The following HDAC1 variants were observed in gnomAD, a reference collection of about 807,000 sequenced individuals.
The protein encoded by HDAC1 is protein deacetylase HDAC1.
A neutral mutation model predicts 65.5 loss-of-function variants in HDAC1; 18 were observed. The ratio of observed to expected loss-of-function variants is 0.27; its 90% CI spans 0.19 to 0.41. HDAC1 has a LOEUF of 0.41. HDAC1 is among the 10% of genes least tolerant of loss of function. HDAC1 has a pLI of 1.00. For synonymous variants in HDAC1, 211 were observed against 227.9 expected (o/e 0.93, Z 0.67); for missense variants, 373 against 625.2 (o/e 0.60, Z 4.30).
At chr1:32,296,411 C>T (rs1640767194) in intron 1 of HDAC1, among the ~76,000 whole-genome samples, 1 of 152,156 alleles carries the variant, frequency 6.6e-6, no homozygotes, top group Admixed American at 6.6e-5. Context: ...GTCACTCAGG[C>T]TGGAGTGCAG....
intron 3 of HDAC1, among the ~76,000 whole-genome samples, 156 bp downstream of exon 3, chr1:32,316,938 G>A (rs1214368056): frequency 6.6e-6 from 1 of 152,032 alleles, no homozygotes; most frequent in East Asian, 1.9e-4. Flanking sequence ...CCCTCAAGTC[G>A]GATTTTTCAT....
At chr1:32,297,915 G>A (rs1307440069) in intron 1 of HDAC1, among the ~76,000 whole-genome samples, 2 of 134,276 alleles carry the variant, frequency 1.5e-5, no homozygotes, top group South Asian at 2.5e-4. Context: ...TCAGCCTCCC[G>A]AGTAACTGGT....
At chr1:32,321,433 T>A (rs1386795376) in intron 3 of HDAC1, among the ~76,000 whole-genome samples, 2 of 150,806 alleles carry the variant, frequency 1.3e-5, no homozygotes, top group Non-Finnish European at 3.0e-5. Flanking sequence ...GGTTAGTGTT[T>A]AATCTTCCCA....
In HDAC1 at chr1:32,292,131, G is replaced by C; in HGVS notation, c.-39G>C. The C allele has an allele frequency of 6.5e-7, 1 of 1,544,838 alleles. No homozygotes were observed. The highest frequency in any genetic ancestry group is 1.2e-5 in the South Asian group (1 of 83,892). ...TGAGCGGAGCCGCGGGCGGGAGGGCGGACGGACCGACTGACGGTAGGGACG... is the reference window on the plus strand; with the variant it reads ...TGAGCGGAGCCGCGGGCGGGAGGGCCGACGGACCGACTGACGGTAGGGACG... On this transcript the variant is annotated 5_prime_UTR_variant, in exon 1 of 14. Transcript: ENST00000373548.
rs576997727 is a variant in HDAC1 at position 32,316,817 on chromosome 1, G to A, written c.280+35G>A. 3.4e-5 allele frequency: 45 copies of A among 1,309,066 alleles called. No homozygotes were observed. The East Asian group carries it at 9.2e-4, about 27-fold the overall frequency. The allele number at this position is 1,309,066 out of a possible 1,614,324, so 81.1% of individuals were successfully genotyped here. A position where few individuals can be genotyped will look rare whatever the true frequency, so the allele number is the denominator to read the frequency against. On this transcript the variant is annotated intron_variant, in intron 3 of 13. Transcript: ENST00000373548. ...TTCTGTTCCCTCACACTCTGAAGCC[G>A]CCAGTTGCATCTCCCTTTCCACTGT...
chr1:32,325,829 C>G (rs1018188226), intron 4 of HDAC1, among the ~76,000 whole-genome samples: 2 of 152,118 alleles, frequency 1.3e-5, no homozygotes, highest in African/African-American at 4.8e-5. Context: ...AGTTTGAGAC[C>G]AGCCTGACCA....
Position 32,309,089 on chromosome 1 carries a change from G to C in HDAC1, c.162+6356G>C, listed in dbSNP as rs147208928. Reference sequence around the variant, plus strand: ...AGCCTCCCAAAGCGTTAGGATTATAGGCATGAGCCACCACGCCCAGCCAAG... The same window carrying C: ...AGCCTCCCAAAGCGTTAGGATTATACGCATGAGCCACCACGCCCAGCCAAG... On this transcript the variant is annotated intron_variant, in intron 2 of 13. Transcript: ENST00000373548. Among the ~76,000 whole-genome samples, 611 of 152,264 alleles carry C rather than the reference G, an allele frequency of 4.0e-3. 3 individuals carry two copies. Among genetic ancestry groups the C allele is most frequent in the African/African-American group, 0.014 (573 of 41,528 alleles).
At chr1:32,295,358 A>C (rs1315788078) in intron 1 of HDAC1, among the ~76,000 whole-genome samples, 1 of 151,978 alleles carries the variant, frequency 6.6e-6, no homozygotes. Context: ...CCATGATCGC[A>C]CCAGTGCACT....
At chr1:32,292,356 G>T in intron 1 of HDAC1, 138 bp downstream of exon 1, 1 of 1,499,580 alleles carries the variant, frequency 6.7e-7, no homozygotes, top group Non-Finnish European at 8.9e-7. Context: ...CTGCGAGGGG[G>T]AAGTCGAGGC....
chr1:32,327,198 C>A lies in HDAC1; in HGVS notation c.494+121C>A. On this transcript the variant is annotated intron_variant, in intron 5 of 13. Transcript: ENST00000373548. The surrounding 1 kb of genome is among the most constrained non-coding windows in gnomAD (Gnocchi z 6.0). ...ACCGATGTGCTGGCTAGGATGTGCT[C>A]GGTGAGTGTCTCTGGCCATCATCTC... The A allele has an allele frequency of 2.1e-6, 2 of 950,208 alleles. No individual in the cohort carries two copies. The highest frequency in any genetic ancestry group is 3.2e-6 in the Non-Finnish European group (2 of 622,680). 58.9% of individuals were successfully genotyped at this position (950,208 alleles called of 1,614,324 possible). A position where few individuals can be genotyped will look rare whatever the true frequency, so the allele number is the denominator to read the frequency against.
rs755622021 is a variant in HDAC1 at position 32,327,709 on chromosome 1, A to C, written c.636+32A>C. 5.2e-5 allele frequency: 84 copies of C among 1,610,102 alleles called. 1 individual carries two copies. In the East Asian group the frequency reaches 8.7e-4, roughly 17 times the overall value. On this transcript the variant is annotated intron_variant, in intron 6 of 13. Transcript: ENST00000373548. The surrounding 1 kb of genome is among the most constrained non-coding windows in gnomAD (Gnocchi z 6.0). The stretch of plus-strand genomic sequence containing the variant: ...ACGCCCTTTAGGAGCCAACCGGCTT[A>C]CCCTCAGCTGGCAGCTCTACTTCTC...
At chr1:32,321,994 T>G (rs149532180) in intron 3 of HDAC1, among the ~76,000 whole-genome samples, 2,163 of 152,216 alleles carry the variant, frequency 0.014, 17 homozygotes, top group Non-Finnish European at 0.024. Context: ...CCATGCTTCT[T>G]CCTCAGAGCA....
Position 32,299,424 on chromosome 1 carries a change from C to CA in HDAC1, c.50-3188dup, listed in dbSNP as rs201223059. ...CAAACAAACAAACAAAAACATCAAA[C>CA]AAAAAAAAACATAAAAAGAAAAGGA... On this transcript the variant is annotated intron_variant, in intron 1 of 13. Coordinates refer to ENST00000373548, the MANE Select transcript of HDAC1 (RefSeq NM_004964.3). Among the ~76,000 whole-genome samples the CA allele has an allele frequency of 7.6e-3, 1,141 of 150,982 alleles. 8 individuals carry two copies. Among genetic ancestry groups the CA allele is most frequent in the Admixed American group, 0.012 (183 of 15,130 alleles).
At chr1:32,294,972 GTTGT>G (rs763845506) in intron 1 of HDAC1, among the ~76,000 whole-genome samples, 6 of 151,850 alleles carry the variant, frequency 4.0e-5, no homozygotes, top group Admixed American at 2.6e-4. Flanking sequence ...TTTTGTTGTT[GTTGT>G]TTGTTTGTTT....
intron 1 of HDAC1, among the ~76,000 whole-genome samples, chr1:32,296,479 C>T (rs1032412073): frequency 6.6e-6 from 1 of 152,206 alleles, no homozygotes; most frequent in African/African-American, 2.4e-5. Flanking sequence ...GTCCTCCCAC[C>T]TCAGCCTTCC....
In HDAC1 at chr1:32,330,716, G is replaced by A. The variant is rs2148072298; in HGVS notation, c.838+30G>A. 6.2e-7 allele frequency: 1 copy of A among 1,613,694 alleles called. No individual in the cohort carries two copies. The highest frequency in any genetic ancestry group is 8.5e-7 in the Non-Finnish European group (1 of 1,179,620). ...GACCAGGTAGCACAAGGATGGGTGG[G>A]CGGGGTCCTGCTTGGTGCTCCTGTA... On this transcript the variant is annotated intron_variant, in intron 8 of 13. Coordinates refer to ENST00000373548, the MANE Select transcript of HDAC1 (RefSeq NM_004964.3). This position sits in a 1 kb window ranked among gnomAD's most constrained non-coding sequence, Gnocchi z 4.2.
chr1:32,307,504 C>T (rs566111326), intron 2 of HDAC1, among the ~76,000 whole-genome samples: 6 of 152,224 alleles, frequency 3.9e-5, no homozygotes, highest in Non-Finnish European at 4.4e-5. Context: ...GAGAGGGCTA[C>T]TAAGTGACTC....
intron 3 of HDAC1, among the ~76,000 whole-genome samples, chr1:32,323,390 CTTAT>C (rs752972064): frequency 1.3e-5 from 2 of 151,958 alleles, no homozygotes; most frequent in Admixed American, 6.6e-5. Flanking sequence ...TGTTTCCCTA[CTTAT>C]TTATTTATTT....
intron 1 of HDAC1, among the ~76,000 whole-genome samples, chr1:32,302,409 C>G (rs947828819): frequency 2.0e-5 from 3 of 150,726 alleles, no homozygotes; most frequent in African/African-American, 7.3e-5. Flanking sequence ...AGAAAGTGAG[C>G]TAGACTGAAC....
Sources: allele counts gnomAD v4.1 joint callset (sites outside exome capture counted in the v4.1 genomes callset), GRCh38; gene constraint gnomAD v4.1.1; non-coding constraint Gnocchi (gnomAD v3.1); transcripts MANE v1.5; gene names NCBI Gene and HGNC (gene_info 2026-07-23, HGNC 2026-07-21).